AP3B1: variants seen among roughly 807,000 people sequenced by gnomAD.
The protein encoded by AP3B1 is adaptor related protein complex 3 subunit beta 1, also known as AP-3 complex subunit beta-1.
Under a neutral mutation model 132.5 loss-of-function variants are expected in AP3B1, and 61 were observed. The ratio of observed to expected loss-of-function variants is 0.46; its 90% CI spans 0.37 to 0.57. The LOEUF (loss-of-function observed/expected upper bound fraction) is 0.57. Ranked by LOEUF, AP3B1 falls within the 20% of genes least tolerant of loss-of-function variation. The probability of loss-of-function intolerance (pLI) is 0.00; values close to 1 mark genes in which losing one functional copy is unlikely to be tolerated. For synonymous variants in AP3B1, 388 were observed against 438.3 expected (o/e 0.89, Z 1.43); for missense variants, 1,120 against 1,289.4 (o/e 0.87, Z 2.01).
chr5:78,025,733 G>A (rs1747315382), intron 24 of AP3B1, among the ~76,000 whole-genome samples: 1 of 152,164 alleles, frequency 6.6e-6, no homozygotes, highest in Non-Finnish European at 1.5e-5. Context: ...AAGACAGTGG[G>A]AAGCTACTGC....
intron 1 of AP3B1, among the ~76,000 whole-genome samples, chr5:78,270,161 C>A (rs1237978567): frequency 6.6e-6 from 1 of 152,166 alleles, no homozygotes; most frequent in Non-Finnish European, 1.5e-5. Context: ...ATCCACCAAC[C>A]TCGGCCTCCC....
chr5:78,002,739 G>T lies in AP3B1; in HGVS notation c.*163C>A. On this transcript the variant is annotated 3_prime_UTR_variant, in exon 27 of 27. Coordinates refer to ENST00000255194, the MANE Select transcript of AP3B1 (RefSeq NM_003664.5). ...AAAAGGGGGAAAGTATTGCATACAT[G>T]ATAGATACACACTAGCATTCTAAAG... 1 of 825,320 alleles carries T rather than the reference G, an allele frequency of 1.2e-6. No homozygotes were observed. Among genetic ancestry groups the T allele is most frequent in the Non-Finnish European group, 2.1e-6 (1 of 485,486 alleles). The allele number at this position is 825,320 out of a possible 1,614,324, so 51.1% of individuals were successfully genotyped here.
At chr5:78,157,321 C>T (rs1280434569) in intron 13 of AP3B1, among the ~76,000 whole-genome samples, 1 of 152,024 alleles carries the variant, frequency 6.6e-6, no homozygotes, top group Non-Finnish European at 1.5e-5. Flanking sequence ...TCCCTTAATC[C>T]TGACCACAGT....
chr5:78,233,930 C>CT (rs1317075697), intron 3 of AP3B1, among the ~76,000 whole-genome samples: 1 of 152,060 alleles, frequency 6.6e-6, no homozygotes, highest in Non-Finnish European at 1.5e-5. Context: ...GGAGACAACT[C>CT]TTCCCCTAAG....
At chr5:78,097,225 G>A (rs1189316413) in intron 21 of AP3B1, among the ~76,000 whole-genome samples, 9 of 119,210 alleles carry the variant, frequency 7.5e-5, no homozygotes, top group South Asian at 2.6e-4. Flanking sequence ...CACCCCGTCC[G>A]GGAGGGAGGT....
chr5:78,179,964 T>C (rs1744300150), intron 8 of AP3B1, among the ~76,000 whole-genome samples: 1 of 152,158 alleles, frequency 6.6e-6, no homozygotes, highest in African/African-American at 2.4e-5. Context: ...TTTGTTTCAC[T>C]ATTTGAAAAC....
chr5:78,254,268 A>G (rs532033252), intron 2 of AP3B1, among the ~76,000 whole-genome samples: 7 of 152,310 alleles, frequency 4.6e-5, no homozygotes, highest in African/African-American at 1.7e-4. Context: ...GGGAAGGTAG[A>G]GAAATCGATG....
At chr5:78,293,210 C>G (rs1373525585) in intron 1 of AP3B1, among the ~76,000 whole-genome samples, 1 of 152,116 alleles carries the variant, frequency 6.6e-6, no homozygotes, top group Non-Finnish European at 1.5e-5. Context: ...GAGAAAACAT[C>G]GTAGATGTTC....
chr5:78,061,913 A>C (rs1315671253), intron 22 of AP3B1, among the ~76,000 whole-genome samples: 1 of 152,240 alleles, frequency 6.6e-6, no homozygotes. Context: ...ATCAACTTAA[A>C]GAAAGGCAAA....
Position 78,079,837 on chromosome 5 carries a change from T to C in AP3B1, c.2577+9556A>G, listed in dbSNP as rs188434112. Among the ~76,000 whole-genome samples the C allele has an allele frequency of 4.1e-4, 63 of 152,364 alleles. 1 individual carries two copies. The East Asian group carries it at 0.012, about 29-fold the overall frequency. ...CAATCACAAGTATACCCATCCCAGA[T>C]TGCTTTCCTTTTTGCTTCTGGCATC... On this transcript the variant is annotated intron_variant, in intron 22 of 26. Transcript: ENST00000255194.
At chr5:78,049,420 G>C (rs974383260) in intron 22 of AP3B1, among the ~76,000 whole-genome samples, 2 of 152,136 alleles carry the variant, frequency 1.3e-5, no homozygotes, top group African/African-American at 4.8e-5. Context: ...AGTTGTACCA[G>C]CCCTGTGCTA....
intron 23 of AP3B1, among the ~76,000 whole-genome samples, chr5:78,038,107 C>T (rs964736164): frequency 1.5e-4 from 23 of 152,116 alleles, no homozygotes; most frequent in African/African-American, 5.3e-4. Flanking sequence ...TGGGGGCAGC[C>T]GCTGCTCAGC....
intron 24 of AP3B1, among the ~76,000 whole-genome samples, chr5:78,027,387 A>G (rs1304356961): frequency 6.6e-6 from 1 of 152,098 alleles, no homozygotes; most frequent in Non-Finnish European, 1.5e-5. Context: ...AAATTTCTAC[A>G]TTTCTAAATT....
chr5:78,290,811 T>G (rs1749481058), intron 1 of AP3B1, among the ~76,000 whole-genome samples: 1 of 152,046 alleles, frequency 6.6e-6, no homozygotes, highest in Non-Finnish European at 1.5e-5. Context: ...TAGCTGGGCA[T>G]GGTAGCATGC....
chr5:78,026,045 A>G (rs1210141099), intron 24 of AP3B1, among the ~76,000 whole-genome samples: 2 of 151,984 alleles, frequency 1.3e-5, no homozygotes, highest in African/African-American at 4.8e-5. Flanking sequence ...CTTCTTTTTG[A>G]TTTATTTCTC....
intron 8 of AP3B1, among the ~76,000 whole-genome samples, chr5:78,177,902 T>G (rs1398723961): frequency 6.6e-6 from 1 of 152,224 alleles, no homozygotes; most frequent in African/African-American, 2.4e-5. Context: ...GATTATACCT[T>G]GATTTCAGAC....
intron 18 of AP3B1, among the ~76,000 whole-genome samples, chr5:78,114,902 G>C (rs574039133): frequency 6.6e-6 from 1 of 152,178 alleles, no homozygotes; most frequent in African/African-American, 2.4e-5. Context: ...TTGTAAAACT[G>C]AACAAGTTAT....
At chr5:78,055,093 T>C (rs1241071154) in intron 22 of AP3B1, among the ~76,000 whole-genome samples, 1 of 151,868 alleles carries the variant, frequency 6.6e-6, no homozygotes, top group Non-Finnish European at 1.5e-5. Flanking sequence ...TTGATCTGTG[T>C]GTAAATATTT....
chr5:78,207,130 C>T (rs572702204), intron 7 of AP3B1, among the ~76,000 whole-genome samples: 35 of 152,068 alleles, frequency 2.3e-4, no homozygotes, highest in Admixed American at 1.5e-3. Context: ...TGGTGGCAGG[C>T]ACCTGTAATC....
Sources: allele counts gnomAD v4.1 joint callset (sites outside exome capture counted in the v4.1 genomes callset), GRCh38; gene constraint gnomAD v4.1.1; transcripts MANE v1.5; gene names NCBI Gene and HGNC (gene_info 2026-07-23, HGNC 2026-07-21).